The following CDH17 variants were observed in gnomAD, a reference collection of about 807,000 sequenced individuals.
CDH17 encodes cadherin-17.
CDH17 carries 67 observed loss-of-function variants against 86.3 expected under a neutral mutation model. The ratio of observed to expected loss-of-function variants is 0.78; its 90% CI spans 0.64 to 0.95. The LOEUF (loss-of-function observed/expected upper bound fraction) is 0.95, where lower values mean the gene tolerates loss of function less well. Among genes scored for constraint, CDH17 ranks in the 40% least tolerant of loss-of-function variants. The pLI is 0.00. For synonymous variants in CDH17, 367 were observed against 366.4 expected (o/e 1.00, Z -0.02); for missense variants, 993 against 1,017.6 (o/e 0.98, Z 0.33).
Position 94,177,625 on chromosome 8 carries a change from C to T in CDH17, c.247G>A (p.Ala83Thr), listed in dbSNP as rs770933685. The part of the protein sequence containing the change: ...EREGLLYYNR[A>T]LDRETRSTHN... ...GTAGATCTTGTTTCCCTGTCCAAGGCTCTGTTGTAATACAGAAGTCCCTCC... is the reference window on the plus strand; with the variant it reads ...GTAGATCTTGTTTCCCTGTCCAAGGTTCTGTTGTAATACAGAAGTCCCTCC... The change falls in exon 4 of 18, where the codon GCC becomes ACC. Residue 83 changes from alanine to threonine, a missense_variant. Ala to Thr is a moderately conservative substitution (Grantham distance 58, BLOSUM62 0). Transcript: ENST00000027335. 2.4e-5 allele frequency: 38 copies of T among 1,613,664 alleles called. No individual in the cohort carries two copies. Among genetic ancestry groups the T allele is most frequent in the Non-Finnish European group, 3.1e-5 (37 of 1,179,790 alleles).
At chr8:94,191,001 C>T (rs938082538) in intron 2 of CDH17, among the ~76,000 whole-genome samples, 5 of 152,188 alleles carry the variant, frequency 3.3e-5, no homozygotes, top group African/African-American at 1.2e-4. Flanking sequence ...CTGCCAAGCC[C>T]TCTCCTTTTC....
chr8:94,184,715 G>A (rs963006038), intron 3 of CDH17, among the ~76,000 whole-genome samples: 2 of 151,964 alleles, frequency 1.3e-5, no homozygotes, highest in Non-Finnish European at 2.9e-5. Flanking sequence ...TGAATTTTTA[G>A]GGTTACATCT....
chr8:94,131,142 G>A, intron 15 of CDH17, 150 bp from the exon 16 acceptor site: 1 of 604,210 alleles, frequency 1.7e-6, no homozygotes, highest in East Asian at 2.7e-5. Flanking sequence ...CATTCCACAT[G>A]TATCTTCCCA....
chr8:94,192,665 A>G (rs1202461578), intron 2 of CDH17, among the ~76,000 whole-genome samples: 4 of 152,160 alleles, frequency 2.6e-5, no homozygotes, highest in African/African-American at 9.7e-5. Context: ...AGCTCAGTGC[A>G]GTGATTATGT....
intron 3 of CDH17, among the ~76,000 whole-genome samples, chr8:94,188,248 T>C (rs1401830640): frequency 6.6e-6 from 1 of 152,278 alleles, no homozygotes; most frequent in Non-Finnish European, 1.5e-5. Flanking sequence ...GTAAATGCTA[T>C]GTAAATGATT....
intron 7 of CDH17, among the ~76,000 whole-genome samples, chr8:94,172,286 C>T (rs1313780716): frequency 6.6e-6 from 1 of 152,004 alleles, no homozygotes; most frequent in Non-Finnish European, 1.5e-5. Context: ...TTCTTTCTAA[C>T]TGGGAAATCA....
intron 3 of CDH17, among the ~76,000 whole-genome samples, chr8:94,188,013 G>A (rs1813613899): frequency 2.0e-5 from 3 of 152,146 alleles, no homozygotes; most frequent in Non-Finnish European, 4.4e-5. Flanking sequence ...AAAGAAAGGG[G>A]AAGAGAGATA....
intron 5 of CDH17, among the ~76,000 whole-genome samples, chr8:94,175,868 A>G (rs1185828558): frequency 6.6e-6 from 1 of 152,112 alleles, no homozygotes; most frequent in African/African-American, 2.4e-5. Flanking sequence ...TATCTTAGAG[A>G]TCACCCTAGA....
chr8:94,156,943 C>T (rs1812960294), intron 12 of CDH17, among the ~76,000 whole-genome samples: 1 of 152,168 alleles, frequency 6.6e-6, no homozygotes, highest in Non-Finnish European at 1.5e-5. Context: ...GTCAAGGCCA[C>T]AAGCTAGTAA....
chr8:94,198,017 C>T (rs1162663246), intron 1 of CDH17, among the ~76,000 whole-genome samples: 2 of 151,972 alleles, frequency 1.3e-5, no homozygotes, highest in East Asian at 3.9e-4. Context: ...TTATCAATTC[C>T]AGAGTTTAAA....
Position 94,189,189 on chromosome 8 carries a change from G to T in CDH17, c.148C>A (p.Gln50Lys). 6.2e-7 allele frequency: 1 copy of T among 1,608,696 alleles called. No individual in the cohort carries two copies. Among genetic ancestry groups the T allele is most frequent in the Non-Finnish European group, 8.5e-7 (1 of 1,176,644 alleles). The change falls in exon 3 of 18, where the codon CAG becomes AAG. Residue 50 changes from glutamine to lysine, a missense_variant and splice_region_variant. Physicochemically the swap from Gln to Lys is moderately conservative, Grantham distance 53. Coordinates refer to ENST00000027335, the MANE Select transcript of CDH17 (RefSeq NM_004063.4). ...EGQEPSQIIF[Q>K]FKANPPAVTF... ...CAGTGATCAAGGGTAGCTTTTACCTGGAATATAATTTGACTCGGTTCTTGG... is the reference window on the plus strand; with the variant it reads ...CAGTGATCAAGGGTAGCTTTTACCTTGAATATAATTTGACTCGGTTCTTGG...
At chr8:94,200,543 T>G (rs1470973657) in intron 1 of CDH17, among the ~76,000 whole-genome samples, 1 of 136,032 alleles carries the variant, frequency 7.4e-6, no homozygotes, top group Non-Finnish European at 1.5e-5. Flanking sequence ...TTTTGTTTTT[T>G]TTTTTTTTTT....
At chr8:94,148,957 GT>G in intron 13 of CDH17, 83 bp from the exon 14 acceptor site, 1 of 1,150,548 alleles carries the variant, frequency 8.7e-7, no homozygotes, top group African/African-American at 1.6e-5. Context: ...AACTAAATAT[GT>G]TTGTGCATCC....
At chr8:94,132,485 T>A (rs1563562805) in intron 15 of CDH17, among the ~76,000 whole-genome samples, 1 of 152,358 alleles carries the variant, frequency 6.6e-6, no homozygotes, top group East Asian at 1.9e-4. Flanking sequence ...GAAGTGTCTG[T>A]TCATATCTGT....
intron 5 of CDH17, among the ~76,000 whole-genome samples, chr8:94,175,892 A>G (rs1813361734): frequency 6.6e-6 from 1 of 152,102 alleles, no homozygotes; most frequent in Non-Finnish European, 1.5e-5. Flanking sequence ...GCGTTTTTCA[A>G]CTGGGGGTAA....
chr8:94,128,433 G>T, intron 17 of CDH17, 93 bp from the exon 18 acceptor site: 1 of 771,454 alleles, frequency 1.3e-6, no homozygotes. Flanking sequence ...GGAAAAAAAT[G>T]ACTCAACTTC....
At chr8:94,204,047 A>G (rs1304794466) in intron 1 of CDH17, among the ~76,000 whole-genome samples, 1 of 152,230 alleles carries the variant, frequency 6.6e-6, no homozygotes, top group African/African-American at 2.4e-5. Context: ...CCCCTGGAGA[A>G]CTTAAAATGG....
At chr8:94,134,084 G>A (rs189833215) in intron 15 of CDH17, among the ~76,000 whole-genome samples, 77 of 152,250 alleles carry the variant, frequency 5.1e-4, no homozygotes, top group African/African-American at 1.8e-3. Flanking sequence ...TTTTCACATC[G>A]ATGTTCATCA....
At chr8:94,128,413 T>C (rs575802432) in intron 17 of CDH17, 73 bp from the exon 18 acceptor site, 1 of 935,504 alleles carries the variant, frequency 1.1e-6, no homozygotes, top group East Asian at 2.5e-5. Flanking sequence ...TATAAAGTAG[T>C]ATTGTGGTAG....
Sources: allele counts gnomAD v4.1 joint callset (sites outside exome capture counted in the v4.1 genomes callset), GRCh38; gene constraint gnomAD v4.1.1; transcripts MANE v1.5; gene names NCBI Gene and HGNC (gene_info 2026-07-23, HGNC 2026-07-21).